SMYD3: variants seen among roughly 807,000 people sequenced by gnomAD.
SMYD3 encodes the protein SET and MYND domain containing 3.
SMYD3 carries 36 observed loss-of-function variants against 57.7 expected under a neutral mutation model. The ratio of observed to expected loss-of-function variants is 0.62; its 90% confidence interval spans 0.48 to 0.82. The LOEUF is 0.82. SMYD3 is among the 40% of genes least tolerant of loss of function. The probability of loss-of-function intolerance (pLI) is 0.00; values close to 1 mark genes in which losing one functional copy is unlikely to be tolerated. For missense variants in SMYD3, 515 were observed against 538.8 expected, an observed-to-expected ratio of 0.96 and a Z score of 0.44; for synonymous variants, 211 against 195.0, an observed-to-expected ratio of 1.08 and a Z score of -0.68.
intron 5 of SMYD3, among the ~76,000 whole-genome samples, chr1:246,144,473 T>C (rs2148127985): frequency 6.6e-6 from 1 of 152,322 alleles, no homozygotes; most frequent in South Asian, 2.1e-4. Flanking sequence ...AAGAAAGTAA[T>C]AACAGATTTC....
chr1:245,787,537 T>C (rs2047096037), intron 10 of SMYD3, among the ~76,000 whole-genome samples: 1 of 152,090 alleles, frequency 6.6e-6, no homozygotes, highest in Non-Finnish European at 1.5e-5. Flanking sequence ...AAATGCTGCC[T>C]TCTCCAGAGC....
chr1:246,458,917 T>C (rs1374348562), intron 1 of SMYD3, among the ~76,000 whole-genome samples: 1 of 152,166 alleles, frequency 6.6e-6, no homozygotes, highest in Non-Finnish European at 1.5e-5. Context: ...TCTATGTGTA[T>C]TCATCTGACC....
chr1:245,856,982 G>A (rs2051275780), intron 10 of SMYD3, among the ~76,000 whole-genome samples: 1 of 152,200 alleles, frequency 6.6e-6, no homozygotes, highest in African/African-American at 2.4e-5. Flanking sequence ...CTAAGGCTCA[G>A]AGAGGAAGCC....
intron 1 of SMYD3, among the ~76,000 whole-genome samples, chr1:246,385,533 A>G (rs1444808816): frequency 6.6e-6 from 1 of 152,184 alleles, no homozygotes; most frequent in East Asian, 1.9e-4. Context: ...TAGGAGAGAA[A>G]GGACCCACCT....
intron 5 of SMYD3, among the ~76,000 whole-genome samples, chr1:246,075,912 T>C (rs1380989887): frequency 7.1e-6 from 1 of 140,516 alleles, no homozygotes; most frequent in Non-Finnish European, 1.5e-5. Flanking sequence ...AGAGAAACCA[T>C]TGAAAAAGAA....
intron 10 of SMYD3, among the ~76,000 whole-genome samples, chr1:245,791,883 G>A (rs1384332958): frequency 2.0e-5 from 3 of 151,598 alleles, no homozygotes; most frequent in East Asian, 1.9e-4. Context: ...CATGCTTTCT[G>A]GTAGTTCTCA....
chr1:246,167,289 G>A (rs61840453), intron 5 of SMYD3, among the ~76,000 whole-genome samples: 2,215 of 152,120 alleles, frequency 0.015, 34 homozygotes, highest in Middle Eastern at 0.051. Flanking sequence ...ATTCTTTTGT[G>A]TGTGTATATG....
At chr1:245,768,287 G>A (rs1052804552) in intron 10 of SMYD3, among the ~76,000 whole-genome samples, 1 of 152,166 alleles carries the variant, frequency 6.6e-6, no homozygotes, top group Non-Finnish European at 1.5e-5. Context: ...AACAAGCAGA[G>A]AAAAGAAGGA....
intron 10 of SMYD3, among the ~76,000 whole-genome samples, chr1:245,842,294 A>G (rs965203719): frequency 1.3e-5 from 2 of 152,240 alleles, no homozygotes; most frequent in Non-Finnish European, 2.9e-5. Context: ...GTAAATGTGC[A>G]TATCTGAAAA....
At chr1:245,868,328 T>C (rs2051992252) in intron 8 of SMYD3, among the ~76,000 whole-genome samples, 1 of 152,232 alleles carries the variant, frequency 6.6e-6, no homozygotes, top group Non-Finnish European at 1.5e-5. Context: ...TTCAATTTGA[T>C]TTCTCTCCTG....
chr1:246,382,863 A>C (rs2066412413), intron 1 of SMYD3, among the ~76,000 whole-genome samples: 2 of 151,964 alleles, frequency 1.3e-5, no homozygotes, highest in East Asian at 3.9e-4. Context: ...GCTGGCCCCC[A>C]CAGACTCAGG....
chr1:245,992,540 G>C (rs2058830545), intron 5 of SMYD3, among the ~76,000 whole-genome samples: 1 of 151,360 alleles, frequency 6.6e-6, no homozygotes, highest in Non-Finnish European at 1.5e-5. Context: ...TTCTAGAATG[G>C]CGGTCATGGG....
intron 8 of SMYD3, among the ~76,000 whole-genome samples, chr1:245,881,211 T>G (rs1263732442): frequency 7.2e-5 from 11 of 152,200 alleles, no homozygotes; most frequent in Non-Finnish European, 1.5e-5. Context: ...TCATCAACTC[T>G]GGAATGTGTG....
chr1:246,354,937 A>T, intron 2 of SMYD3, 94 bp downstream of exon 2: 1 of 1,094,392 alleles, frequency 9.1e-7, no homozygotes, highest in Non-Finnish European at 1.4e-6. Flanking sequence ...TAAAGGCTGT[A>T]AAGAAGTAGA....
chr1:245,984,498 A>T (rs966281878), intron 5 of SMYD3, among the ~76,000 whole-genome samples: 1 of 152,098 alleles, frequency 6.6e-6, no homozygotes, highest in East Asian at 1.9e-4. Flanking sequence ...GTTCCTCTTC[A>T]TCTAGGACAG....
chr1:246,008,280 G>C (rs1429801584), intron 5 of SMYD3, among the ~76,000 whole-genome samples: 6 of 151,348 alleles, frequency 4.0e-5, no homozygotes, highest in Non-Finnish European at 8.8e-5. Flanking sequence ...CTTATCCACA[G>C]ACGCACAGAG....
At position 246,459,877 on chromosome 1, in the gene SMYD3, T is replaced by C. The variant is rs372717581; in HGVS notation, c.164+47177A>G. Among the ~76,000 whole-genome samples, 18 of 148,338 alleles carry C rather than the reference T, an allele frequency of 1.2e-4. 1 individual carries two copies. In the East Asian group the frequency reaches 3.3e-3, roughly 27 times the overall value. On this transcript the variant is annotated intron_variant, in intron 1 of 11. Transcript: ENST00000490107. ...AATAAACTGTCACGTGAACTGAAGA[T>C]TCTTCTGTCATTTGGCTGCAGAGGA...
chr1:245,864,139 A>G (rs1461202864), intron 8 of SMYD3, among the ~76,000 whole-genome samples: 7 of 152,186 alleles, frequency 4.6e-5, no homozygotes, highest in African/African-American at 1.7e-4. Flanking sequence ...ACCCTCATAC[A>G]CTGCACATGA....
intron 1 of SMYD3, among the ~76,000 whole-genome samples, chr1:246,485,396 A>G (rs966472759): frequency 4.6e-5 from 7 of 152,364 alleles, no homozygotes; most frequent in African/African-American, 1.7e-4. Context: ...TCCAAGATAA[A>G]TATCATTTTA....
Sources: allele counts gnomAD v4.1 joint callset (sites outside exome capture counted in the v4.1 genomes callset), GRCh38; gene constraint gnomAD v4.1.1; transcripts MANE v1.5; gene names NCBI Gene and HGNC (gene_info 2026-07-23, HGNC 2026-07-21).